The following GPC5 variants were observed in gnomAD, a reference collection of about 807,000 sequenced individuals.
The protein encoded by GPC5 is glypican 5.
In GPC5, 47 loss-of-function variants were observed where a neutral mutation model predicts 53.9. The ratio of observed to expected loss-of-function variants is 0.87; its 90% CI spans 0.69 to 1.11. GPC5 has a LOEUF of 1.11. Ranked by LOEUF, GPC5 falls within the 50% of genes most tolerant of loss-of-function variation. The pLI is 0.00. For synonymous variants in GPC5, 286 were observed against 263.3 expected (o/e 1.09, Z -0.84); for missense variants, 748 against 713.1 (o/e 1.05, Z -0.56).
At chr13:92,308,549 C>A (rs1003724826) in intron 7 of GPC5, among the ~76,000 whole-genome samples, 1 of 152,126 alleles carries the variant, frequency 6.6e-6, no homozygotes, top group Non-Finnish European at 1.5e-5. Flanking sequence ...TCTATAATAA[C>A]TAACTAGTAA....
At chr13:92,316,104 C>G (rs1346661385) in intron 7 of GPC5, among the ~76,000 whole-genome samples, 1 of 152,080 alleles carries the variant, frequency 6.6e-6, no homozygotes, top group Non-Finnish European at 1.5e-5. Flanking sequence ...TTACACTTCT[C>G]TCTTTTTCAC....
intron 7 of GPC5, among the ~76,000 whole-genome samples, chr13:92,316,627 C>G (rs561707395): frequency 6.6e-5 from 10 of 151,902 alleles, no homozygotes; most frequent in Non-Finnish European, 1.0e-4. Flanking sequence ...TTAATAGACT[C>G]AAAGTAATAT....
At chr13:91,942,895 C>G (rs1407939808) in intron 6 of GPC5, among the ~76,000 whole-genome samples, 1 of 152,028 alleles carries the variant, frequency 6.6e-6, no homozygotes, top group Admixed American at 6.6e-5. Context: ...CATCCATATA[C>G]ATATTTAAGA....
At chr13:92,254,439 C>T (rs1197899546) in intron 7 of GPC5, among the ~76,000 whole-genome samples, 1 of 152,114 alleles carries the variant, frequency 6.6e-6, no homozygotes, top group Non-Finnish European at 1.5e-5. Flanking sequence ...TTTCTCACCT[C>T]TTTGACCAGA....
chr13:92,576,516 C>T (rs1883194880), intron 7 of GPC5, among the ~76,000 whole-genome samples: 1 of 152,130 alleles, frequency 6.6e-6, no homozygotes, highest in Non-Finnish European at 1.5e-5. Context: ...GTGTTCATCA[C>T]TAAAGCAACA....
At chr13:92,189,706 A>G (rs1439216245) in intron 7 of GPC5, among the ~76,000 whole-genome samples, 2 of 152,152 alleles carry the variant, frequency 1.3e-5, no homozygotes, top group Non-Finnish European at 2.9e-5. Context: ...GCTATGATTA[A>G]TATGCTAAGA....
chr13:91,787,547 C>T (rs1175429692), intron 5 of GPC5, among the ~76,000 whole-genome samples: 2 of 152,108 alleles, frequency 1.3e-5, no homozygotes, highest in East Asian at 3.9e-4. Flanking sequence ...AAATAATATA[C>T]TCAGTGCTGA....
chr13:92,207,084 T>A (rs1172297), intron 7 of GPC5, among the ~76,000 whole-genome samples: 26,852 of 152,238 alleles, frequency 0.18, 2,564 homozygotes, highest in Admixed American at 0.21. Context: ...CATTTGTTAT[T>A]TAATTTTACC....
At chr13:92,316,264 C>T (rs752370548) in intron 7 of GPC5, among the ~76,000 whole-genome samples, 10 of 152,006 alleles carry the variant, frequency 6.6e-5, no homozygotes, top group Middle Eastern at 3.4e-3. Flanking sequence ...TAAATGGTTG[C>T]GATTTTAATT....
chr13:92,100,237 T>C lies in GPC5; in HGVS notation c.1402-44593T>C, dbSNP rs1566434920. Among the ~76,000 whole-genome samples, 4 of 152,142 alleles carry C rather than the reference T, an allele frequency of 2.6e-5. No homozygotes were observed. In the South Asian group the frequency reaches 6.2e-4, roughly 24 times the overall value. ...GTCCAAGATGGTGAAACCCTGTCTC[T>C]CCTAAAAATACAAAAATTAGCCAGG... On this transcript the variant is annotated intron_variant, in intron 6 of 7. Transcript: ENST00000377067.
intron 1 of GPC5, among the ~76,000 whole-genome samples, chr13:91,403,976 G>T (rs1877138570): frequency 6.6e-6 from 1 of 152,056 alleles, no homozygotes; most frequent in Admixed American, 6.6e-5. Flanking sequence ...GTTCCATTTT[G>T]CCGAGTGTCC....
chr13:92,119,390 GTTTTTT>G (rs386380215), intron 6 of GPC5, among the ~76,000 whole-genome samples: 3 of 65,684 alleles, frequency 4.6e-5, no homozygotes, highest in Admixed American at 2.6e-4. Flanking sequence ...TAGGATTTTA[GTTTTTT>G]TTTTTTTTTT....
At chr13:92,022,451 G>T (rs1294908440) in intron 6 of GPC5, among the ~76,000 whole-genome samples, 1 of 152,078 alleles carries the variant, frequency 6.6e-6, no homozygotes, top group East Asian at 1.9e-4. Context: ...GGCTTCCTTT[G>T]CTTGTAAGTA....
chr13:92,520,795 A>G (rs1404898072), intron 7 of GPC5, among the ~76,000 whole-genome samples: 1 of 152,132 alleles, frequency 6.6e-6, no homozygotes, highest in Non-Finnish European at 1.5e-5. Flanking sequence ...ATCAAGCAGG[A>G]CAAAGAAATA....
At chr13:92,205,721 A>G (rs1421899161) in intron 7 of GPC5, among the ~76,000 whole-genome samples, 1 of 152,132 alleles carries the variant, frequency 6.6e-6, no homozygotes, top group Non-Finnish European at 1.5e-5. Flanking sequence ...TAACGTTTGG[A>G]GGAGCCATTT....
chr13:92,381,896 TA>T (rs1181136433), intron 7 of GPC5, among the ~76,000 whole-genome samples: 5,612 of 42,672 alleles, frequency 0.13, 554 homozygotes, highest in African/African-American at 0.14. Context: ...ATATTATATA[TA>T]ATCATATATA....
intron 2 of GPC5, among the ~76,000 whole-genome samples, chr13:91,635,061 T>C (rs9301747): frequency 0.27 from 40,333 of 151,978 alleles, 6,916 homozygotes; most frequent in African/African-American, 0.49. Context: ...GACTTGAGAA[T>C]TGAATGGAAG....
At chr13:91,944,072 G>T (rs566254980) in intron 6 of GPC5, among the ~76,000 whole-genome samples, 2 of 151,740 alleles carry the variant, frequency 1.3e-5, no homozygotes, top group South Asian at 2.1e-4. Context: ...TTTGTGGCAG[G>T]ATATTTCTTT....
chr13:92,279,244 TCTTA>T (rs1224118019), intron 7 of GPC5, among the ~76,000 whole-genome samples: 3 of 152,092 alleles, frequency 2.0e-5, no homozygotes, highest in Non-Finnish European at 2.9e-5. Flanking sequence ...CACTTCCTCA[TCTTA>T]CTTCTTCCTA....
Sources: allele counts gnomAD v4.1 joint callset (sites outside exome capture counted in the v4.1 genomes callset), GRCh38; gene constraint gnomAD v4.1.1; transcripts MANE v1.5; gene names NCBI Gene and HGNC (gene_info 2026-07-23, HGNC 2026-07-21).